Variants in RGPD2 observed in about 807,000 individuals in gnomAD.
RGPD2 encodes the protein RANBP2-like and GRIP domain-containing protein 2.
In RGPD2, 2 loss-of-function variants were observed where a neutral mutation model predicts 36.0. The observed-to-expected ratio is 0.06, with a 90% CI of 0.02 to 0.17. RGPD2 has a LOEUF of 0.17. Among genes scored for constraint, RGPD2 ranks in the 10% least tolerant of loss-of-function variants. The probability of loss-of-function intolerance (pLI) is 1.00; values close to 1 mark genes in which losing one functional copy is unlikely to be tolerated. For missense variants in RGPD2, 40 were observed against 464.3 expected, an observed-to-expected ratio of 0.09 and a Z score of 8.40; for synonymous variants, 19 against 163.8, an observed-to-expected ratio of 0.12 and a Z score of 6.75.
the RGPD2 span, among the ~76,000 whole-genome samples, chr2:87,921,235 T>C: frequency 6.6e-6 from 1 of 152,122 alleles, no homozygotes; most frequent in African/African-American, 2.4e-5. Flanking sequence ...TGCAAAGGAT[T>C]ACAGAGGATG....
At chr2:87,884,713 A>T in the RGPD2 span, among the ~76,000 whole-genome samples, 2 of 151,874 alleles carry the variant, frequency 1.3e-5, no homozygotes, top group Non-Finnish European at 2.9e-5. Context: ...CAATTCCTAG[A>T]GGCATATAAC....
the RGPD2 span, among the ~76,000 whole-genome samples, chr2:87,940,259 G>A: frequency 4.6e-5 from 7 of 152,044 alleles, no homozygotes; most frequent in East Asian, 3.9e-4. Flanking sequence ...GTTTGTAAGC[G>A]GACAAATGGA....
chr2:87,913,243 G>A, the RGPD2 span, among the ~76,000 whole-genome samples: 3 of 151,702 alleles, frequency 2.0e-5, no homozygotes, highest in Non-Finnish European at 4.4e-5. Context: ...GTCCTTTGTA[G>A]GGACATGGAT....
chr2:87,830,099 A>G (rs969900681), upstream of RGPD2, among the ~76,000 whole-genome samples: 1 of 148,042 alleles, frequency 6.8e-6, no homozygotes, highest in African/African-American at 2.5e-5. Flanking sequence ...ATAAAAGTCC[A>G]AAATTCAGTG....
At chr2:87,967,256 A>C in the RGPD2 span, among the ~76,000 whole-genome samples, 3 of 145,228 alleles carry the variant, frequency 2.1e-5, no homozygotes, top group Non-Finnish European at 4.4e-5. Flanking sequence ...AAATACAAAA[A>C]AATTAGCTGG....
At chr2:87,866,739 G>A in the RGPD2 span, among the ~76,000 whole-genome samples, 6 of 151,934 alleles carry the variant, frequency 3.9e-5, no homozygotes, top group Admixed American at 3.9e-4. Flanking sequence ...GTTTGCAATG[G>A]CCATGCAGGG....
the RGPD2 span, among the ~76,000 whole-genome samples, chr2:87,936,326 C>A: frequency 6.6e-6 from 1 of 151,148 alleles, no homozygotes; most frequent in Non-Finnish European, 1.5e-5. Context: ...AGCGAAAATT[C>A]TAATGGTATT....
the RGPD2 span, among the ~76,000 whole-genome samples, chr2:87,876,737 A>C: frequency 6.6e-6 from 1 of 152,234 alleles, no homozygotes; most frequent in African/African-American, 2.4e-5. Context: ...TGCTTGATCC[A>C]GAGTTGAGTC....
At chr2:87,809,040 T>C (rs1338184345) in intron 6 of RGPD2, among the ~76,000 whole-genome samples, 3 of 100,364 alleles carry the variant, frequency 3.0e-5, no homozygotes, top group African/African-American at 1.0e-4. Context: ...GCGCGGTGGC[T>C]CATGCCTGTA....
At chr2:87,886,504 A>C in the RGPD2 span, among the ~76,000 whole-genome samples, 1 of 151,888 alleles carries the variant, frequency 6.6e-6, no homozygotes, top group Non-Finnish European at 1.5e-5. Flanking sequence ...TAGACACTTA[A>C]ATTTCAGTTG....
chr2:87,820,287 G>A (rs1430935965), intron 1 of RGPD2, among the ~76,000 whole-genome samples: 2 of 1,330 alleles, frequency 1.5e-3, no homozygotes, highest in African/African-American at 4.9e-3. Flanking sequence ...GCCATCAATC[G>A]AAACATGTTT....
chr2:87,781,446 GGTTTTTTTTGTTTTTTT>G (rs1464167839), intron 20 of RGPD2, among the ~76,000 whole-genome samples: 4 of 128,392 alleles, frequency 3.1e-5, no homozygotes, highest in Non-Finnish European at 6.6e-5. Context: ...TCAATATCAT[GGTTTTTTTTGTTTTTTT>G]GTTTTTTTTT....
chr2:87,858,162 C>T, the RGPD2 span, among the ~76,000 whole-genome samples: 1 of 152,042 alleles, frequency 6.6e-6, no homozygotes, highest in Non-Finnish European at 1.5e-5. Flanking sequence ...CCTGTAATCC[C>T]AGCTACTTGG....
the RGPD2 span, among the ~76,000 whole-genome samples, chr2:87,918,074 C>G: frequency 5.4e-4 from 63 of 117,596 alleles, no homozygotes; most frequent in Admixed American, 4.6e-3. Flanking sequence ...ATGCTAAACA[C>G]CCACACTTCA....
the RGPD2 span, among the ~76,000 whole-genome samples, chr2:87,935,225 G>A: frequency 6.9e-6 from 1 of 145,662 alleles, no homozygotes; most frequent in African/African-American, 2.5e-5. Flanking sequence ...TAATTTGAAT[G>A]TGTCAATAGA....
At chr2:87,879,040 T>A in the RGPD2 span, among the ~76,000 whole-genome samples, 1 of 152,248 alleles carries the variant, frequency 6.6e-6, no homozygotes, top group Non-Finnish European at 1.5e-5. Context: ...ACAATAAACA[T>A]GGGTGTGCAG....
chr2:87,954,994 CTT>C, the RGPD2 span, among the ~76,000 whole-genome samples: 262 of 19,148 alleles, frequency 0.014, 2 homozygotes, highest in African/African-American at 0.037. Context: ...CTGCTTGAAA[CTT>C]TTTTTTTTTT....
the RGPD2 span, among the ~76,000 whole-genome samples, chr2:87,884,959 A>C: frequency 6.6e-6 from 1 of 152,306 alleles, no homozygotes; most frequent in Admixed American, 6.5e-5. Context: ...TCACCATGAT[A>C]CCAAAGCTAG....
At chr2:87,839,857 A>G in the RGPD2 span, among the ~76,000 whole-genome samples, 31 of 149,718 alleles carry the variant, frequency 2.1e-4, no homozygotes, top group Admixed American at 4.0e-4. Context: ...TGATCTATAC[A>G]CCAAACCTTC....
Sources: allele counts gnomAD v4.1 joint callset (sites outside exome capture counted in the v4.1 genomes callset), GRCh38; gene constraint gnomAD v4.1.1; transcripts MANE v1.5; gene names NCBI Gene and HGNC (gene_info 2026-07-23, HGNC 2026-07-21).